TMEM131: variants seen among roughly 807,000 people sequenced by gnomAD.
TMEM131 encodes the protein 2610524E03Rik.
Under a neutral mutation model 211.6 loss-of-function variants are expected in TMEM131, and 66 were observed. The observed-to-expected ratio is 0.31, with a 90% CI of 0.26 to 0.38. The LOEUF (loss-of-function observed/expected upper bound fraction) is 0.38, where lower values mean the gene tolerates loss of function less well. TMEM131 is among the 10% of genes least tolerant of loss of function. The pLI is 1.00. For synonymous variants in TMEM131, 844 were observed against 841.3 expected (o/e 1.00, Z -0.06); for missense variants, 2,036 against 2,299.3 (o/e 0.89, Z 2.34).
chr2:97,963,407 C>G (rs1029309042), intron 1 of TMEM131, among the ~76,000 whole-genome samples: 2 of 152,132 alleles, frequency 1.3e-5, no homozygotes, highest in African/African-American at 4.8e-5. Context: ...AGGAACCAGT[C>G]AGCTTTAAGA....
intron 31 of TMEM131, among the ~76,000 whole-genome samples, chr2:97,782,860 T>C (rs541813065): frequency 1.9e-4 from 29 of 151,848 alleles, no homozygotes; most frequent in African/African-American, 7.0e-4. Flanking sequence ...ACATTTGTGT[T>C]ATCAAAGTCT....
At chr2:97,766,301 A>T in intron 34 of TMEM131, 38 bp from the exon 35 acceptor site, 1 of 1,612,524 alleles carries the variant, frequency 6.2e-7, no homozygotes, top group Non-Finnish European at 8.5e-7. Context: ...TTAATGGAGA[A>T]TCATTCCTTT....
Position 97,802,432 on chromosome 2 carries a change from A to G in TMEM131, c.2647T>C (p.Ser883Pro). 1 of 1,599,246 alleles carries G rather than the reference A, an allele frequency of 6.3e-7. No individual in the cohort carries two copies. The change falls in exon 24 of 41, where the codon TCA becomes CCA. Residue 883 changes from serine (S) to proline (P), a missense_variant. Ser to Pro is a moderately conservative substitution (Grantham distance 74). Transcript: ENST00000186436. ...ATGATCCCAAGCAATACTTACCTTG[A>G]TACTAACTTATCTACAAACACTGAA... is the stretch of plus-strand genomic sequence containing the variant. ...NPSVFVDKLV[S>P]RFNLSKVAKI...
chr2:97,924,270 C>T (rs1341247504), intron 2 of TMEM131, among the ~76,000 whole-genome samples: 1 of 152,186 alleles, frequency 6.6e-6, no homozygotes, highest in East Asian at 1.9e-4. Flanking sequence ...GTAGTCCCAG[C>T]TACTCTGGAG....
chr2:97,797,758 C>T (rs753534110), intron 25 of TMEM131, among the ~76,000 whole-genome samples: 18 of 152,234 alleles, frequency 1.2e-4, no homozygotes, highest in Non-Finnish European at 2.2e-4. Context: ...AAATAAAGTC[C>T]TCAATGTTTG....
chr2:97,850,391 C>A (rs1367948615), intron 5 of TMEM131, among the ~76,000 whole-genome samples: 1 of 152,190 alleles, frequency 6.6e-6, no homozygotes, highest in East Asian at 1.9e-4. Context: ...TATATCAGTA[C>A]TCATAGAGGT....
intron 39 of TMEM131, 136 bp from the exon 40 acceptor site, chr2:97,759,189 G>T: frequency 9.1e-7 from 1 of 1,093,274 alleles, no homozygotes; most frequent in Non-Finnish European, 1.3e-6. Flanking sequence ...GCCCACCACA[G>T]CCCAGAGGAA....
chr2:97,791,474 T>G (rs1394850126), intron 31 of TMEM131, among the ~76,000 whole-genome samples: 1 of 152,210 alleles, frequency 6.6e-6, no homozygotes, highest in Non-Finnish European at 1.5e-5. Context: ...AGAGGAACCA[T>G]GACAGACCTC....
At chr2:97,897,178 A>T (rs1347185135) in intron 3 of TMEM131, among the ~76,000 whole-genome samples, 1 of 152,108 alleles carries the variant, frequency 6.6e-6, no homozygotes, top group Non-Finnish European at 1.5e-5. Flanking sequence ...ACTTTTTGGT[A>T]TATTCCTTAG....
At chr2:97,817,808 G>A (rs889058264) in intron 12 of TMEM131, among the ~76,000 whole-genome samples, 32 of 152,226 alleles carry the variant, frequency 2.1e-4, no homozygotes, top group African/African-American at 7.2e-4. Context: ...ATTCTCATCC[G>A]ATGAGGAGCT....
intron 3 of TMEM131, among the ~76,000 whole-genome samples, chr2:97,890,484 G>A (rs1328429760): frequency 6.6e-6 from 1 of 152,224 alleles, no homozygotes; most frequent in East Asian, 1.9e-4. Flanking sequence ...CATGACATGG[G>A]AGGAGTGGGT....
intron 1 of TMEM131, among the ~76,000 whole-genome samples, chr2:97,967,025 C>G (rs1573627966): frequency 6.6e-6 from 1 of 151,770 alleles, no homozygotes; most frequent in South Asian, 2.1e-4. Context: ...CCACCTAAAA[C>G]AAACAAACAA....
intron 17 of TMEM131, 91 bp downstream of exon 17, chr2:97,812,330 A>G: frequency 7.1e-7 from 1 of 1,400,308 alleles, no homozygotes; most frequent in Non-Finnish European, 9.7e-7. Flanking sequence ...CTGCATAAAA[A>G]TAATAGTGAT....
chr2:97,820,586 T>C (rs1682067428), intron 11 of TMEM131, among the ~76,000 whole-genome samples: 1 of 152,090 alleles, frequency 6.6e-6, no homozygotes, highest in African/African-American at 2.4e-5. Context: ...TGGCTGGGCA[T>C]GGTGACTCAT....
intron 29 of TMEM131, among the ~76,000 whole-genome samples, chr2:97,794,485 ATG>A (rs750818512): frequency 3.9e-5 from 6 of 152,206 alleles, no homozygotes; most frequent in Non-Finnish European, 5.9e-5. Context: ...CCTCTAAAGG[ATG>A]TGTGATATAA....
At chr2:97,760,513 AC>A in intron 38 of TMEM131, 79 bp downstream of exon 38, 2 of 1,268,516 alleles carry the variant, frequency 1.6e-6, no homozygotes, top group Non-Finnish European at 2.2e-6. Context: ...ATGCCCTGAA[AC>A]CCATTTATGG....
rs552012308 is a variant in TMEM131 at position 97,816,003 on chromosome 2, TC to T, written c.1184-697del. On this transcript the variant is annotated intron_variant, in intron 12 of 40. Coordinates refer to ENST00000186436, the MANE Select transcript of TMEM131 (RefSeq NM_015348.2). ...CCCCTCCTGTCATCATATTATATTG[TC>T]CTCATCTTAGATGAAGTAAAAACTT... 2.4e-4 allele frequency among the ~76,000 whole-genome samples: 36 copies of T among 152,296 alleles called. No homozygotes were observed. The South Asian group carries it at 7.5e-3, about 32-fold the overall frequency.
chr2:97,844,563 CAG>C (rs1683338429), intron 5 of TMEM131, among the ~76,000 whole-genome samples: 2 of 152,100 alleles, frequency 1.3e-5, no homozygotes, highest in African/African-American at 4.8e-5. Flanking sequence ...ATGAGACAAT[CAG>C]ATAGGAGTTG....
chr2:97,867,074 T>C (rs1039654529), intron 4 of TMEM131, among the ~76,000 whole-genome samples: 1 of 152,222 alleles, frequency 6.6e-6, no homozygotes, highest in Non-Finnish European at 1.5e-5. Flanking sequence ...TTAAATCCAT[T>C]TAAAATTACT....
Sources: gnomAD v4.1 joint callset for allele counts (sites outside exome capture counted in the v4.1 genomes callset) on GRCh38, gnomAD v4.1.1 for gene constraint, MANE v1.5 for transcripts, NCBI Gene and HGNC (gene_info 2026-07-23, HGNC 2026-07-21) for gene names.